DRC11: variants seen among roughly 807,000 people sequenced by gnomAD.
DRC11 encodes the protein IQ and AAA domain-containing protein 1.
the DRC11 span, among the ~76,000 whole-genome samples, chr2:236,364,215 A>G: frequency 1.2e-3 from 5 of 4,136 alleles, no homozygotes; most frequent in African/African-American, 7.9e-3. Flanking sequence ...GGTCCTTAAT[A>G]CCCTTCTCCC....
chr2:236,388,454 C>A, the DRC11 span, among the ~76,000 whole-genome samples: 189 of 151,752 alleles, frequency 1.2e-3, no homozygotes, highest in Non-Finnish European at 2.2e-3. Context: ...TTGATCGCAT[C>A]GGCTCCTGAG....
the DRC11 span, among the ~76,000 whole-genome samples, chr2:236,469,251 G>T: frequency 6.6e-6 from 1 of 152,104 alleles, no homozygotes; most frequent in Non-Finnish European, 1.5e-5. This position sits in a 1 kb window ranked among gnomAD's most constrained non-coding sequence, Gnocchi z 5.8. Flanking sequence ...TGTTGCCCAG[G>T]CTGGAGTGCA....
the DRC11 span, among the ~76,000 whole-genome samples, chr2:236,491,746 A>C: frequency 6.6e-6 from 1 of 152,122 alleles, no homozygotes; most frequent in South Asian, 2.1e-4. Flanking sequence ...ACCCCCAAGT[A>C]AGTTGGCTTT....
At chr2:236,401,265 C>T in the DRC11 span, among the ~76,000 whole-genome samples, 1 of 152,128 alleles carries the variant, frequency 6.6e-6, no homozygotes, top group Non-Finnish European at 1.5e-5. This position sits in a 1 kb window ranked among gnomAD's most constrained non-coding sequence, Gnocchi z 4.6. Flanking sequence ...TGCTCTTTGC[C>T]CTGCTGTCCT....
chr2:236,310,656 G>A, the DRC11 span, among the ~76,000 whole-genome samples: 7 of 152,212 alleles, frequency 4.6e-5, no homozygotes, highest in South Asian at 2.1e-4. This position sits in a 1 kb window ranked among gnomAD's most constrained non-coding sequence, Gnocchi z 5.5. Flanking sequence ...GAAGGGCTGC[G>A]TAACAAAAGG....
At chr2:236,310,305 G>A in the DRC11 span, among the ~76,000 whole-genome samples, 1 of 152,196 alleles carries the variant, frequency 6.6e-6, no homozygotes, top group Non-Finnish European at 1.5e-5. The surrounding 1 kb of genome is among the most constrained non-coding windows in gnomAD (Gnocchi z 5.5). Context: ...GGATGGCACA[G>A]AAACATCTGC....
the DRC11 span, among the ~76,000 whole-genome samples, chr2:236,438,141 A>T: frequency 6.4e-5 from 9 of 139,746 alleles, no homozygotes; most frequent in African/African-American, 2.5e-4. Context: ...GAAGGGATCC[A>T]GTTTCAGCTT....
the DRC11 span, among the ~76,000 whole-genome samples, chr2:236,345,737 T>A: frequency 1.3e-5 from 2 of 152,196 alleles, no homozygotes; most frequent in African/African-American, 2.4e-5. Context: ...GATAGCGAAG[T>A]TCAGGTATTT....
At chr2:236,398,985 A>G in the DRC11 span, among the ~76,000 whole-genome samples, 1 of 151,912 alleles carries the variant, frequency 6.6e-6, no homozygotes, top group Non-Finnish European at 1.5e-5. The surrounding 1 kb of genome is among the most constrained non-coding windows in gnomAD (Gnocchi z 6.2). Context: ...TAAGGCCACC[A>G]AAAGGAATTT....
chr2:236,507,113 A>G, the DRC11 span: 1 of 772,054 alleles, frequency 1.3e-6, no homozygotes, highest in East Asian at 2.7e-5. Flanking sequence ...AATTTCCTAA[A>G]AGGAAAAAAA....
chr2:236,405,504 C>T, the DRC11 span, among the ~76,000 whole-genome samples: 11 of 151,960 alleles, frequency 7.2e-5, no homozygotes, highest in East Asian at 3.9e-4. The surrounding 1 kb of genome is among the most constrained non-coding windows in gnomAD (Gnocchi z 4.6). Flanking sequence ...TTGACCTGCC[C>T]GGTCTCTGGG....
chr2:236,420,980 T>C, the DRC11 span, among the ~76,000 whole-genome samples: 315 of 152,368 alleles, frequency 2.1e-3, 1 homozygote, highest in African/African-American at 7.4e-3. This position sits in a 1 kb window ranked among gnomAD's most constrained non-coding sequence, Gnocchi z 4.8. Context: ...TAAATTTCCC[T>C]CTACACATTG....
chr2:236,407,854 C>T, the DRC11 span: 44 of 336,248 alleles, frequency 1.3e-4, 2 homozygotes, highest in African/African-American at 5.6e-4. Context: ...CATTAAGCTC[C>T]GTCTTCTACT....
At chr2:236,389,130 G>A in the DRC11 span, among the ~76,000 whole-genome samples, 718 of 152,322 alleles carry the variant, frequency 4.7e-3, 7 homozygotes, top group African/African-American at 0.016. Context: ...TCTGTGCCCC[G>A]CCCCCAGAGG....
At chr2:236,424,410 T>C in the DRC11 span, among the ~76,000 whole-genome samples, 655 of 152,308 alleles carry the variant, frequency 4.3e-3, 23 homozygotes, top group Admixed American at 0.032. Context: ...TACATTTTCA[T>C]GGTTCACAAT....
the DRC11 span, among the ~76,000 whole-genome samples, chr2:236,329,048 T>C: frequency 7.1e-3 from 1,078 of 152,320 alleles, 15 homozygotes; most frequent in African/African-American, 0.023. Flanking sequence ...CTTTTCTGGC[T>C]TGTGGCCCCT....
the DRC11 span, among the ~76,000 whole-genome samples, chr2:236,395,070 C>T: frequency 6.6e-6 from 1 of 152,174 alleles, no homozygotes; most frequent in Admixed American, 6.5e-5. Flanking sequence ...TGCACTTAGG[C>T]GTCCTTCCCC....
the DRC11 span, among the ~76,000 whole-genome samples, chr2:236,435,473 C>A: frequency 3.6e-3 from 548 of 152,282 alleles, 3 homozygotes; most frequent in African/African-American, 0.012. Flanking sequence ...TAAAGAACTG[C>A]CTGAGACTGG....
At chr2:236,435,759 A>G in the DRC11 span, among the ~76,000 whole-genome samples, 1 of 152,194 alleles carries the variant, frequency 6.6e-6, no homozygotes, top group East Asian at 1.9e-4. Flanking sequence ...GTGGGGATAC[A>G]GACAAAGCAT....
Sources: allele counts gnomAD v4.1 joint callset (sites outside exome capture counted in the v4.1 genomes callset), GRCh38; gene constraint gnomAD v4.1.1; non-coding constraint Gnocchi (gnomAD v3.1); transcripts MANE v1.5; gene names NCBI Gene and HGNC (gene_info 2026-07-23, HGNC 2026-07-21).